UFD1: variants seen among roughly 807,000 people sequenced by gnomAD.
UFD1 encodes the protein ubiquitin recognition factor in ER associated degradation 1.
UFD1 carries 13 observed loss-of-function variants against 45.9 expected under a neutral mutation model. That is an observed-to-expected ratio of 0.28 (90% CI 0.18 to 0.45). The LOEUF (loss-of-function observed/expected upper bound fraction) is 0.45. Among genes scored for constraint, UFD1 ranks in the 20% least tolerant of loss-of-function variants. UFD1 has a pLI of 1.00. For synonymous variants in UFD1, 128 were observed against 139.2 expected (o/e 0.92, Z 0.56); for missense variants, 218 against 389.2 (o/e 0.56, Z 3.70).
rs199813245 is a variant in UFD1 at position 19,450,697 on chromosome 22, T to A, written c.897A>T (p.Ser299=). The A allele has an allele frequency of 6.2e-7, 1 of 1,614,216 alleles. No homozygotes were observed. The highest frequency in any genetic ancestry group is 1.3e-5 in the African/African-American group (1 of 75,058). The change falls in exon 12 of 12, where the codon TCA becomes TCT. Residue 299 remains serine, a synonymous_variant. Coordinates refer to ENST00000263202, the MANE Select transcript of UFD1 (RefSeq NM_005659.7). ...RFVAFSGEGQ[S]LRKKGRKP Reference sequence around the variant, plus strand: ...AGGGCTTTCTTCCCTTTTTACGCAATGACTGTCCTTCTCCAGAGAAAGCGA... The same window carrying A: ...AGGGCTTTCTTCCCTTTTTACGCAAAGACTGTCCTTCTCCAGAGAAAGCGA...
At chr22:19,464,856 G>A (rs2089790439) in intron 6 of UFD1, among the ~76,000 whole-genome samples, 1 of 152,252 alleles carries the variant, frequency 6.6e-6, no homozygotes, top group Non-Finnish European at 1.5e-5. Context: ...CAGCAGGGTT[G>A]TTATTGTGTC....
intron 11 of UFD1, chr22:19,451,783 G>C (rs2089684875): frequency 1.0e-6 from 1 of 985,332 alleles, no homozygotes; most frequent in Admixed American, 6.1e-5. Flanking sequence ...CAATAGCTGT[G>C]TTTGGCTTCT....
chr22:19,451,712 A>G, intron 11 of UFD1: 1 of 985,482 alleles, frequency 1.0e-6, no homozygotes, highest in Non-Finnish European at 1.2e-6. Context: ...ATTCATGTAA[A>G]TTTGAGTCAC....
intron 7 of UFD1, 62 bp from the exon 8 acceptor site, chr22:19,456,980 T>C: frequency 1.8e-6 from 2 of 1,113,668 alleles, no homozygotes; most frequent in Non-Finnish European, 2.7e-6. Context: ...CTTCCTTTTT[T>C]GTTTTTAATT....
At chr22:19,472,807 C>T (rs185726761) in intron 3 of UFD1, among the ~76,000 whole-genome samples, 3 of 152,328 alleles carry the variant, frequency 2.0e-5, no homozygotes, top group South Asian at 2.1e-4. Flanking sequence ...CAAGACCTCA[C>T]AGCACACAAG....
intron 1 of UFD1, 104 bp downstream of exon 1, chr22:19,478,979 G>C (rs2089920942): frequency 6.8e-7 from 1 of 1,465,080 alleles, no homozygotes; most frequent in Non-Finnish European, 9.1e-7. Flanking sequence ...AGGCCCGGGT[G>C]ACTCGGCACC....
intron 1 of UFD1, among the ~76,000 whole-genome samples, chr22:19,477,921 C>G (rs1015978092): frequency 6.6e-6 from 1 of 152,090 alleles, no homozygotes; most frequent in African/African-American, 2.4e-5. Context: ...TGTCTTTCTT[C>G]TTTTAAGCAG....
In UFD1 at chr22:19,457,625, C is replaced by T. The variant is rs189153613; in HGVS notation, c.564+446G>A. Among the ~76,000 whole-genome samples the T allele has an allele frequency of 9.2e-5, 14 of 152,242 alleles. No homozygotes were observed. In the East Asian group the frequency reaches 9.6e-4, roughly 10 times the overall value. The stretch of plus-strand genomic sequence containing the variant: ...GTCAGGAGTTTGAGACCAGCTTGGC[C>T]AACATGGTAAAACCCTGTCTCTACC... On this transcript the variant is annotated intron_variant, in intron 7 of 11. Coordinates refer to ENST00000263202, the MANE Select transcript of UFD1 (RefSeq NM_005659.7).
At chr22:19,475,160 C>T (rs2089872605) in intron 2 of UFD1, 60 bp from the exon 3 acceptor site, 1 of 1,522,512 alleles carries the variant, frequency 6.6e-7, no homozygotes, top group Admixed American at 1.9e-5. Context: ...AGACCAAAGG[C>T]AAGATGCAGT....
chr22:19,478,975 G>A (rs960228326), intron 1 of UFD1, 108 bp downstream of exon 1: 7 of 1,450,360 alleles, frequency 4.8e-6, no homozygotes, highest in Middle Eastern at 2.4e-4. Flanking sequence ...ACTCAGGCCC[G>A]GGTGACTCGG....
intron 11 of UFD1, chr22:19,453,347 C>T (rs1363877529): frequency 2.0e-6 from 2 of 985,376 alleles, no homozygotes; most frequent in South Asian, 9.4e-5. Context: ...TAGCCACAGC[C>T]TTAGTGGGGC....
At chr22:19,477,911 T>C (rs984574642) in intron 1 of UFD1, among the ~76,000 whole-genome samples, 2 of 152,122 alleles carry the variant, frequency 1.3e-5, no homozygotes, top group Admixed American at 6.5e-5. Context: ...TCCAATCTTT[T>C]GTCTTTCTTC....
Position 19,458,144 on chromosome 22 carries a change from G to T in UFD1, c.496-5C>A. On this transcript the variant is annotated splice_polypyrimidine_tract_variant and splice_region_variant and intron_variant, in intron 6 of 11. Transcript: ENST00000263202. ...CATCACACGCAGTTCGTAGATCTGT[G>T]GGGCAAACACAGAAATCAGTTGGAT... 6.2e-7 allele frequency: 1 copy of T among 1,613,920 alleles called. No homozygotes were observed. Among genetic ancestry groups the T allele is most frequent in the South Asian group, 1.1e-5 (1 of 91,084 alleles).
chr22:19,470,111 G>A, intron 4 of UFD1: 2 of 473,782 alleles, frequency 4.2e-6, no homozygotes, highest in South Asian at 3.0e-5. Flanking sequence ...GGCCCTTGGG[G>A]GCACCTGCAG....
intron 4 of UFD1, among the ~76,000 whole-genome samples, chr22:19,469,154 A>C (rs2089825572): frequency 6.6e-6 from 1 of 152,232 alleles, no homozygotes; most frequent in Admixed American, 6.5e-5. Context: ...AAGGATGCAG[A>C]GGTGACTGGC....
At chr22:19,479,003 CGCCCCGCCCT>C in intron 1 of UFD1, 70 bp downstream of exon 1, 1 of 1,431,232 alleles carries the variant, frequency 7.0e-7, no homozygotes, top group Non-Finnish European at 9.5e-7. Context: ...GCCGCCGTCC[CGCCCCGCCCT>C]GCCCCGCCGG....
At chr22:19,462,463 C>T (rs993124166) in intron 6 of UFD1, among the ~76,000 whole-genome samples, 1 of 152,068 alleles carries the variant, frequency 6.6e-6, no homozygotes, top group Non-Finnish European at 1.5e-5. Context: ...GTCAGGAGTT[C>T]GAGACCAGCC....
intron 1 of UFD1, among the ~76,000 whole-genome samples, chr22:19,478,608 C>T (rs1422884148): frequency 6.6e-6 from 1 of 152,204 alleles, no homozygotes; most frequent in African/African-American, 2.4e-5. Flanking sequence ...AACACAACAC[C>T]GCTGTACAGA....
chr22:19,479,041 GGGCCAAGGCCC>G, intron 1 of UFD1, 31 bp downstream of exon 1: 1 of 736,302 alleles, frequency 1.4e-6, no homozygotes, highest in Non-Finnish European at 2.1e-6. Flanking sequence ...CTCAGGCCCC[GGGCCAAGGCCC>G]AGCCCCCGCC....
Sources: allele counts gnomAD v4.1 joint callset (sites outside exome capture counted in the v4.1 genomes callset), GRCh38; gene constraint gnomAD v4.1.1; transcripts MANE v1.5; gene names NCBI Gene and HGNC (gene_info 2026-07-23, HGNC 2026-07-21).